The following FMNL2 variants were observed in gnomAD, a reference collection of about 807,000 sequenced individuals.
FMNL2 encodes the protein formin-like protein 2.
A neutral mutation model predicts 130.2 loss-of-function variants in FMNL2; 51 were observed. The ratio of observed to expected loss-of-function variants is 0.39; its 90% CI spans 0.31 to 0.49. The LOEUF (loss-of-function observed/expected upper bound fraction) is 0.49. Ranked by LOEUF, FMNL2 falls within the 20% of genes least tolerant of loss-of-function variation. The pLI, the probability that FMNL2 is intolerant of heterozygous loss-of-function variation, is 0.85. For missense variants in FMNL2, 977 were observed against 1,316.2 expected (o/e 0.74, Z 3.99); for synonymous variants, 465 against 467.1 (o/e 1.00, Z 0.06).
intron 9 of FMNL2, among the ~76,000 whole-genome samples, chr2:152,590,911 T>C (rs892692661): frequency 1.3e-5 from 2 of 151,138 alleles, no homozygotes; most frequent in African/African-American, 4.9e-5. Flanking sequence ...TTGGACTGTT[T>C]GGTAAGTAAT....
intron 1 of FMNL2, among the ~76,000 whole-genome samples, chr2:152,351,916 T>C (rs1297759337): frequency 6.6e-6 from 1 of 152,210 alleles, no homozygotes; most frequent in East Asian, 1.9e-4. Flanking sequence ...TGGTATCTCA[T>C]CGTGGTTTTG....
intron 23 of FMNL2, among the ~76,000 whole-genome samples, chr2:152,638,210 T>C (rs1682782964): frequency 6.6e-6 from 1 of 152,050 alleles, no homozygotes; most frequent in Non-Finnish European, 1.5e-5. Flanking sequence ...TTCCTTTAAA[T>C]GGGAGGCCCT....
intron 1 of FMNL2, among the ~76,000 whole-genome samples, chr2:152,427,037 C>T (rs1055567704): frequency 1.3e-5 from 2 of 152,162 alleles, no homozygotes; most frequent in Non-Finnish European, 2.9e-5. Flanking sequence ...TTTACAAAAT[C>T]CTCTTCCAAC....
At chr2:152,511,347 A>G (rs6736639) in intron 1 of FMNL2, among the ~76,000 whole-genome samples, 50,701 of 152,084 alleles carry the variant, frequency 0.33, 8,782 homozygotes, top group East Asian at 0.58. Flanking sequence ...TCACATTTTA[A>G]TATGTAAGGA....
intron 1 of FMNL2, among the ~76,000 whole-genome samples, chr2:152,498,761 G>C (rs138210400): frequency 6.6e-6 from 1 of 152,248 alleles, no homozygotes; most frequent in Non-Finnish European, 1.5e-5. Flanking sequence ...AAAACCTTGA[G>C]AATACTGAGA....
intron 1 of FMNL2, among the ~76,000 whole-genome samples, chr2:152,491,383 T>G (rs2105284172): frequency 6.6e-6 from 1 of 152,184 alleles, no homozygotes; most frequent in African/African-American, 2.4e-5. Flanking sequence ...ACACTGTGCA[T>G]CAGCTGAATG....
chr2:152,629,515 AG>A, intron 18 of FMNL2, 140 bp from the exon 19 acceptor site: 1 of 707,702 alleles, frequency 1.4e-6, no homozygotes, highest in Non-Finnish European at 2.3e-6. Context: ...TGTTATACTT[AG>A]AAAAAGTAGA....
At chr2:152,339,517 T>A (rs1465621642) in intron 1 of FMNL2, among the ~76,000 whole-genome samples, 1 of 152,234 alleles carries the variant, frequency 6.6e-6, no homozygotes, top group Non-Finnish European at 1.5e-5. Context: ...GATGCCTTTG[T>A]TGAAGAGCTA....
Position 152,602,991 on chromosome 2 carries a change from C to T in FMNL2, c.877-4348C>T, listed in dbSNP as rs114688099. Among the ~76,000 whole-genome samples, 415 of 152,358 alleles carry T rather than the reference C, an allele frequency of 2.7e-3. 2 individuals carry two copies. The highest frequency in any genetic ancestry group is 9.5e-3 in the African/African-American group (396 of 41,582). ...AAGACAACTTTCCTTTGATGTGGGA[C>T]ACAACTTTTACCAACCTTCCCCAAA... On this transcript the variant is annotated intron_variant, in intron 9 of 25. Transcript: ENST00000288670.
At chr2:152,522,101 C>T in intron 2 of FMNL2, 75 bp downstream of exon 2, 1 of 1,190,060 alleles carries the variant, frequency 8.4e-7, no homozygotes, top group East Asian at 2.5e-5. Context: ...TATGGTATGT[C>T]AATATCATGA....
In FMNL2 at chr2:152,375,877, C is replaced by CTCTCTCTCTATATATATA. The variant is rs796954245; in HGVS notation, c.117+40158_117+40159insCTCTCTCTATATATATAT. Reference sequence around the variant, plus strand: ...TCTCTCTCTCTCTCTCTCTCTCTCTCTATATATATATATATATATAATTAT... The same window carrying CTCTCTCTCTATATATATA: ...TCTCTCTCTCTCTCTCTCTCTCTCTCTCTCTCTCTATATATATATATATATATATATATATATAATTAT... On this transcript the variant is annotated intron_variant, in intron 1 of 25. Transcript: ENST00000288670. Among the ~76,000 whole-genome samples, 48 of 112,470 alleles carry CTCTCTCTCTATATATATA rather than the reference C, an allele frequency of 4.3e-4. No homozygotes were observed. In the East Asian group the frequency reaches 4.9e-3, roughly 12 times the overall value. The allele number at this position is 112,470 out of a possible 152,430, so 73.8% of individuals were successfully genotyped here. A position where few individuals can be genotyped will look rare whatever the true frequency, so the allele number is the denominator to read the frequency against.
intron 9 of FMNL2, among the ~76,000 whole-genome samples, chr2:152,591,038 A>C: frequency 4.0e-5 from 4 of 100,506 alleles, no homozygotes; most frequent in East Asian, 3.3e-4. Flanking sequence ...ACAGCATCTC[A>C]CTCTGTCACC....
At chr2:152,544,837 A>G (rs906161170) in intron 3 of FMNL2, among the ~76,000 whole-genome samples, 1 of 152,234 alleles carries the variant, frequency 6.6e-6, no homozygotes, top group African/African-American at 2.4e-5. Flanking sequence ...CTCCTGGCAC[A>G]GTTCCAATTT....
chr2:152,560,114 A>G (rs530184696), intron 5 of FMNL2, among the ~76,000 whole-genome samples: 1 of 150,028 alleles, frequency 6.7e-6, no homozygotes, highest in East Asian at 1.9e-4. Flanking sequence ...TGATTGTTCT[A>G]CTGTCTGATC....
intron 4 of FMNL2, among the ~76,000 whole-genome samples, chr2:152,558,106 A>C (rs1166462572): frequency 2.6e-5 from 4 of 152,220 alleles, no homozygotes; most frequent in Admixed American, 1.3e-4. Flanking sequence ...TTTAAAAATG[A>C]ATTTTTTAAA....
chr2:152,619,282 GAGT>G, intron 14 of FMNL2, 124 bp downstream of exon 14: 3 of 1,324,588 alleles, frequency 2.3e-6, no homozygotes, highest in Non-Finnish European at 3.0e-6. Context: ...TGGTTTTCTT[GAGT>G]AGTTCTTAAC....
At chr2:152,368,179 A>G (rs904535011) in intron 1 of FMNL2, among the ~76,000 whole-genome samples, 26 of 152,172 alleles carry the variant, frequency 1.7e-4, no homozygotes, top group African/African-American at 6.3e-4. Context: ...ATACATTTTC[A>G]TGGAATTAAA....
chr2:152,435,742 A>C (rs1017273546), intron 1 of FMNL2, among the ~76,000 whole-genome samples: 1 of 152,234 alleles, frequency 6.6e-6, no homozygotes, highest in African/African-American at 2.4e-5. Flanking sequence ...ATTTTCAGGA[A>C]GTAATAGAAA....
intron 1 of FMNL2, among the ~76,000 whole-genome samples, chr2:152,485,077 GC>G (rs1690741911): frequency 6.6e-6 from 1 of 152,156 alleles, no homozygotes; most frequent in Non-Finnish European, 1.5e-5. Flanking sequence ...ATATTCTGGG[GC>G]TGGGCATGGT....
Sources: gnomAD v4.1 joint callset for allele counts (sites outside exome capture counted in the v4.1 genomes callset) on GRCh38, gnomAD v4.1.1 for gene constraint, MANE v1.5 for transcripts, NCBI Gene and HGNC (gene_info 2026-07-23, HGNC 2026-07-21) for gene names.